CEP70: variants seen among roughly 807,000 people sequenced by gnomAD.
CEP70 encodes the protein centrosomal protein 70, also known as centrosomal protein of 70 kDa.
Under a neutral mutation model 90.9 loss-of-function variants are expected in CEP70, and 70 were observed. The ratio of observed to expected loss-of-function variants is 0.77; its 90% CI spans 0.64 to 0.94. The LOEUF is 0.94. CEP70 is among the 40% of genes least tolerant of loss of function. The pLI, the probability that CEP70 is intolerant of heterozygous loss-of-function variation, is 0.00. For synonymous variants in CEP70, 220 were observed against 228.3 expected, an observed-to-expected ratio of 0.96 and a Z score of 0.33; for missense variants, 648 against 669.0, an observed-to-expected ratio of 0.97 and a Z score of 0.35.
intron 11 of CEP70, among the ~76,000 whole-genome samples, chr3:138,523,221 A>G (rs2036857299): frequency 6.6e-6 from 1 of 152,246 alleles, no homozygotes; most frequent in African/African-American, 2.4e-5. Flanking sequence ...GATGGGACAT[A>G]TCTCAAAATA....
chr3:138,585,104 A>G (rs1182323714), intron 2 of CEP70, among the ~76,000 whole-genome samples: 1 of 152,194 alleles, frequency 6.6e-6, no homozygotes, highest in Non-Finnish European at 1.5e-5. Context: ...AAATCAAATT[A>G]TCCTTGTTTG....
At chr3:138,544,267 T>G (rs1226268734) in intron 6 of CEP70, among the ~76,000 whole-genome samples, 1 of 144,468 alleles carries the variant, frequency 6.9e-6, no homozygotes, top group East Asian at 2.0e-4. Context: ...AAGAAGAAAA[T>G]CACTTGACCA....
At chr3:138,570,566 T>C (rs932062473) in intron 5 of CEP70, 68 bp from the exon 6 acceptor site, 2 of 1,181,640 alleles carry the variant, frequency 1.7e-6, no homozygotes, top group South Asian at 2.8e-5. Context: ...AGCATATCCA[T>C]ATAAGAATGT....
chr3:138,524,719 A>G, intron 11 of CEP70, among the ~76,000 whole-genome samples: 1 of 152,214 alleles, frequency 6.6e-6, no homozygotes, highest in Non-Finnish European at 1.5e-5. Context: ...ATGAGATACC[A>G]TCTCACACCA....
chr3:138,520,465 G>T (rs2036508262), intron 11 of CEP70, among the ~76,000 whole-genome samples: 2 of 152,194 alleles, frequency 1.3e-5, no homozygotes, highest in South Asian at 4.2e-4. Context: ...TAAAAGAATA[G>T]AAATTATAAC....
chr3:138,528,597 T>C (rs2037513751), intron 10 of CEP70, among the ~76,000 whole-genome samples: 1 of 152,212 alleles, frequency 6.6e-6, no homozygotes, highest in African/African-American at 2.4e-5. Context: ...CAGTGGCTCA[T>C]GCCTGTAATT....
intron 6 of CEP70, among the ~76,000 whole-genome samples, chr3:138,553,487 C>CCA (rs2039774465): frequency 7.5e-6 from 1 of 133,100 alleles, no homozygotes; most frequent in Admixed American, 7.3e-5. Context: ...CTCAAAAAGA[C>CCA]AAAAAAAAAA....
At chr3:138,564,210 C>T (rs1282490813) in intron 6 of CEP70, among the ~76,000 whole-genome samples, 1 of 152,126 alleles carries the variant, frequency 6.6e-6, no homozygotes, top group Non-Finnish European at 1.5e-5. Context: ...TAATTAATAG[C>T]CTACCAACCA....
intron 13 of CEP70, among the ~76,000 whole-genome samples, chr3:138,505,029 G>T (rs1284555304): frequency 6.6e-6 from 1 of 152,068 alleles, no homozygotes; most frequent in Non-Finnish European, 1.5e-5. Context: ...TTTCAATAAG[G>T]AAACTAACCC....
intron 11 of CEP70, among the ~76,000 whole-genome samples, chr3:138,513,795 T>G (rs2035751386): frequency 6.6e-6 from 1 of 152,210 alleles, no homozygotes; most frequent in South Asian, 2.1e-4. Flanking sequence ...TGTAGTACCT[T>G]TGTTTATCTT....
intron 6 of CEP70, among the ~76,000 whole-genome samples, chr3:138,547,598 G>GTAC (rs1429245588): frequency 1.3e-5 from 2 of 152,136 alleles, no homozygotes; most frequent in Non-Finnish European, 2.9e-5. Flanking sequence ...CTTAAAGGAA[G>GTAC]TACTTCACAG....
Position 138,553,640 on chromosome 3 carries a change from C to T in CEP70, c.466-16293G>A, listed in dbSNP as rs1166669613. On this transcript the variant is annotated intron_variant, in intron 6 of 17. Coordinates refer to ENST00000264982, the MANE Select transcript of CEP70 (RefSeq NM_024491.4). Reference sequence around the variant, plus strand: ...CTATAAAGAAAGTATCACCCTAATACCAAAACTAGGAAAAGATATAACAAA... The same window carrying T: ...CTATAAAGAAAGTATCACCCTAATATCAAAACTAGGAAAAGATATAACAAA... 1.3e-5 allele frequency among the ~76,000 whole-genome samples: 2 copies of T among 152,002 alleles called. 1 individual carries two copies. Among genetic ancestry groups the T allele is most frequent in the Non-Finnish European group, 2.9e-5 (2 of 68,002 alleles).
rs763264103 is a variant in CEP70 at position 138,572,936 on chromosome 3, T to C, written c.-5-4A>G. The C allele has an allele frequency of 1.6e-5, 25 of 1,600,372 alleles. No individual in the cohort carries two copies. The East Asian group carries it at 3.8e-4, about 24-fold the overall frequency. On this transcript the variant is annotated splice_polypyrimidine_tract_variant and splice_region_variant and intron_variant, in intron 2 of 17. Coordinates refer to ENST00000264982, the MANE Select transcript of CEP70 (RefSeq NM_024491.4). Reference sequence around the variant, plus strand: ...GGGGCTACCGGAAACATAGTTACTTTTGTAGAATCAAAAGAAACAGAAATT... The same window carrying C: ...GGGGCTACCGGAAACATAGTTACTTCTGTAGAATCAAAAGAAACAGAAATT...
rs1576808056 is a variant in CEP70 at position 138,555,616 on chromosome 3, G to A, written c.465+14702C>T. The stretch of plus-strand genomic sequence containing the variant: ...AAAGTGAGCTAAGGATATGAATAGA[G>A]AATTCTGAAAAGAAGATATACAAAT... On this transcript the variant is annotated intron_variant, in intron 6 of 17. Coordinates refer to ENST00000264982, the MANE Select transcript of CEP70 (RefSeq NM_024491.4). 2.6e-5 allele frequency among the ~76,000 whole-genome samples: 4 copies of A among 152,174 alleles called. No homozygotes were observed. The South Asian group carries it at 8.3e-4, about 32-fold the overall frequency.
intron 1 of CEP70, 120 bp downstream of exon 1, chr3:138,594,078 A>T (rs879727036): frequency 6.6e-6 from 1 of 152,308 alleles, no homozygotes; most frequent in Non-Finnish European, 1.5e-5. Context: ...ACCCTGTCCC[A>T]GATGGCTCCT....
chr3:138,570,982 A>G, intron 5 of CEP70, 52 bp downstream of exon 5: 1 of 1,414,950 alleles, frequency 7.1e-7, no homozygotes, highest in Non-Finnish European at 9.4e-7. Flanking sequence ...CAAGGCAGTT[A>G]TTTTTAGAAC....
rs1560433741 is a variant in CEP70, at chr3:138,570,295, TCTAAGAATTC to T, written c.465+13_465+22del. 3 of 1,476,566 alleles carry T rather than the reference TCTAAGAATTC, an allele frequency of 2.0e-6. No individual in the cohort carries two copies. Among genetic ancestry groups the T allele is most frequent in the Non-Finnish European group, 9.2e-7 (1 of 1,089,198 alleles). 91.5% of individuals were successfully genotyped at this position (1,476,566 alleles called of 1,614,324 possible). The stretch of plus-strand genomic sequence containing the variant: ...CTGTTTTAGTACTAACTAACCATCA[TCTAAGAATTC>T]ATAACTCAGTACCTGTAAAGTTTTC... On this transcript the variant is annotated intron_variant, in intron 6 of 17. Transcript: ENST00000264982.
intron 17 of CEP70, chr3:138,495,837 G>C (rs2033920511): frequency 1.0e-6 from 1 of 973,612 alleles, no homozygotes; most frequent in African/African-American, 1.8e-5. Context: ...GGGTGACAGA[G>C]AGCAAGACTA....
chr3:138,562,734 C>A (rs1029024725), intron 6 of CEP70, among the ~76,000 whole-genome samples: 3 of 152,168 alleles, frequency 2.0e-5, no homozygotes, highest in African/African-American at 7.2e-5. Context: ...ACAACCAGTA[C>A]CAGCCACCGC....
Sources: gnomAD v4.1 joint callset for allele counts (sites outside exome capture counted in the v4.1 genomes callset) on GRCh38, gnomAD v4.1.1 for gene constraint, MANE v1.5 for transcripts, NCBI Gene and HGNC (gene_info 2026-07-23, HGNC 2026-07-21) for gene names.